CFAP299: variants seen among roughly 807,000 people sequenced by gnomAD.
CFAP299 encodes the protein cilia and flagella associated protein 299.
Under a neutral mutation model 27.0 loss-of-function variants are expected in CFAP299, and 21 were observed. The ratio of observed to expected loss-of-function variants is 0.78; its 90% CI spans 0.55 to 1.12. CFAP299 has a LOEUF of 1.12. CFAP299 is among the 50% of genes most tolerant of loss of function. The probability of loss-of-function intolerance (pLI) is 0.00; values close to 1 mark genes in which losing one functional copy is unlikely to be tolerated. For missense variants in CFAP299, 310 were observed against 276.6 expected (o/e 1.12, Z -0.86); for synonymous variants, 104 against 98.1 (o/e 1.06, Z -0.36).
chr4:80,674,516 C>T (rs1209770480), intron 3 of CFAP299, among the ~76,000 whole-genome samples: 2 of 152,046 alleles, frequency 1.3e-5, no homozygotes, highest in African/African-American at 4.8e-5. Context: ...TTGCTCTTCT[C>T]GAGGAGTATC....
At chr4:80,419,570 A>G (rs1463140459) in intron 2 of CFAP299, among the ~76,000 whole-genome samples, 1 of 152,134 alleles carries the variant, frequency 6.6e-6, no homozygotes, top group Non-Finnish European at 1.5e-5. Flanking sequence ...TTGGAAGCCT[A>G]CCTTTCCCTA....
intron 2 of CFAP299, among the ~76,000 whole-genome samples, chr4:80,548,193 C>T (rs1291209691): frequency 6.6e-6 from 1 of 152,080 alleles, no homozygotes; most frequent in Admixed American, 6.6e-5. Context: ...TACTTAGCAG[C>T]CGTGAAAAAG....
intron 2 of CFAP299, among the ~76,000 whole-genome samples, chr4:80,414,109 C>A (rs1221866579): frequency 1.5e-5 from 2 of 130,056 alleles, no homozygotes; most frequent in East Asian, 4.4e-4. Flanking sequence ...CTCGCTCTGT[C>A]GCCCAGGCTG....
At chr4:80,580,190 C>G (rs1480337943) in intron 2 of CFAP299, among the ~76,000 whole-genome samples, 1 of 152,058 alleles carries the variant, frequency 6.6e-6, no homozygotes, top group Non-Finnish European at 1.5e-5. Context: ...GCCACTATAA[C>G]TCAGCTACCT....
chr4:80,523,809 T>C (rs1299965144), intron 2 of CFAP299, among the ~76,000 whole-genome samples: 1 of 152,112 alleles, frequency 6.6e-6, no homozygotes, highest in African/African-American at 2.4e-5. Context: ...TGTGAACCAC[T>C]CCCTCATAAT....
chr4:80,608,458 A>T, intron 3 of CFAP299: 1 of 798,946 alleles, frequency 1.3e-6, no homozygotes, highest in Non-Finnish European at 2.0e-6. Context: ...TATATACTCC[A>T]CTCCAAGGGC....
intron 3 of CFAP299, among the ~76,000 whole-genome samples, chr4:80,813,075 A>G (rs1393769282): frequency 6.6e-6 from 1 of 152,076 alleles, no homozygotes; most frequent in Non-Finnish European, 1.5e-5. Flanking sequence ...ACACTTTGTA[A>G]TAGAACAATT....
chr4:80,897,937 C>G (rs945567368), intron 4 of CFAP299, among the ~76,000 whole-genome samples: 1 of 152,116 alleles, frequency 6.6e-6, no homozygotes, highest in Admixed American at 6.6e-5. Context: ...CAACCCCTTG[C>G]AGGAGGGAGC....
intron 2 of CFAP299, among the ~76,000 whole-genome samples, chr4:80,398,308 G>A (rs975671769): frequency 1.3e-5 from 2 of 152,116 alleles, no homozygotes; most frequent in Non-Finnish European, 2.9e-5. Context: ...AGCTACCAAT[G>A]ACTTTCTTCA....
At chr4:80,870,606 A>G (rs1282993751) in intron 4 of CFAP299, 8 of 985,840 alleles carry the variant, frequency 8.1e-6, no homozygotes, top group Non-Finnish European at 9.6e-6. Flanking sequence ...TTTACTACCA[A>G]TGCTTGCCTT....
intron 2 of CFAP299, among the ~76,000 whole-genome samples, chr4:80,423,251 G>C (rs1404115008): frequency 6.6e-6 from 1 of 152,158 alleles, no homozygotes. Flanking sequence ...AATAACAATG[G>C]AAGTATGCAC....
intron 3 of CFAP299, among the ~76,000 whole-genome samples, chr4:80,606,781 T>G (rs1477504026): frequency 6.6e-6 from 1 of 151,534 alleles, no homozygotes; most frequent in East Asian, 1.9e-4. Flanking sequence ...TTTCATTGTA[T>G]GGGTATGCCA....
intron 2 of CFAP299, among the ~76,000 whole-genome samples, chr4:80,494,206 A>G (rs946768425): frequency 5.9e-5 from 9 of 152,102 alleles, no homozygotes; most frequent in Non-Finnish European, 1.0e-4. Context: ...TCTTTGTCAC[A>G]TATCTCACAT....
At chr4:80,680,585 T>G (rs1214625663) in intron 3 of CFAP299, among the ~76,000 whole-genome samples, 1 of 152,134 alleles carries the variant, frequency 6.6e-6, no homozygotes, top group African/African-American at 2.4e-5. Flanking sequence ...CATCTGCCTA[T>G]TGGACAAAGA....
intron 2 of CFAP299, among the ~76,000 whole-genome samples, chr4:80,457,783 C>T (rs1729237783): frequency 6.6e-6 from 1 of 152,128 alleles, no homozygotes; most frequent in Non-Finnish European, 1.5e-5. Context: ...CCCCCAACCC[C>T]CTCTGCCAAG....
At chr4:80,433,728 G>C (rs181095779) in intron 2 of CFAP299, among the ~76,000 whole-genome samples, 14 of 143,680 alleles carry the variant, frequency 9.7e-5, no homozygotes, top group Non-Finnish European at 1.8e-4. Context: ...TTTGCTCTCA[G>C]AGTAACTTTT....
At chr4:80,380,302 C>G (rs1724632772) in intron 2 of CFAP299, among the ~76,000 whole-genome samples, 1 of 151,146 alleles carries the variant, frequency 6.6e-6, no homozygotes, top group African/African-American at 2.4e-5. Flanking sequence ...ACAGAGAAAA[C>G]TATATAGACA....
chr4:80,424,461 C>T (rs916194920), intron 2 of CFAP299, among the ~76,000 whole-genome samples: 11 of 152,100 alleles, frequency 7.2e-5, no homozygotes, highest in African/African-American at 2.2e-4. Context: ...GGGTCACTGG[C>T]GATCAGCATT....
intron 3 of CFAP299, among the ~76,000 whole-genome samples, chr4:80,598,388 A>G (rs960465597): frequency 4.6e-5 from 7 of 152,238 alleles, no homozygotes; most frequent in African/African-American, 1.7e-4. Context: ...CAGTCATGTC[A>G]CAATATAAAC....
Sources: allele counts gnomAD v4.1 joint callset (sites outside exome capture counted in the v4.1 genomes callset), GRCh38; gene constraint gnomAD v4.1.1; transcripts MANE v1.5; gene names NCBI Gene and HGNC (gene_info 2026-07-23, HGNC 2026-07-21).